Variants in ZDHHC11B observed in about 807,000 individuals in gnomAD.
ZDHHC11B encodes probable palmitoyltransferase ZDHHC11B.
A neutral mutation model predicts 42.3 loss-of-function variants in ZDHHC11B; 17 were observed. That is an observed-to-expected ratio of 0.40 (90% CI 0.27 to 0.60). The LOEUF (loss-of-function observed/expected upper bound fraction) is 0.60, where lower values mean the gene tolerates loss of function less well. Among genes scored for constraint, ZDHHC11B ranks in the 20% least tolerant of loss-of-function variants. The pLI is 0.41. For missense variants in ZDHHC11B, 262 were observed against 463.2 expected (o/e 0.57, Z 3.99); for synonymous variants, 123 against 193.5 (o/e 0.64, Z 3.02).
rs1380788072 is a variant in ZDHHC11B at position 773,077 on chromosome 5, T to C, written c.-229-4147A>G. 4.6e-5 allele frequency among the ~76,000 whole-genome samples: 7 copies of C among 151,940 alleles called. 1 individual carries two copies. Among genetic ancestry groups the C allele is most frequent in the Non-Finnish European group, 1.0e-4 (7 of 67,942 alleles). On this transcript the variant is annotated intron_variant, in intron 1 of 13. Coordinates refer to ENST00000508859, the MANE Select transcript of ZDHHC11B (RefSeq NM_001351303.2). Reference sequence around the variant, plus strand: ...CGGAGAAGATGGGAGATGCACTGTCTGGATCGCTTCATTAGACCCACGTGC... The same window carrying C: ...CGGAGAAGATGGGAGATGCACTGTCCGGATCGCTTCATTAGACCCACGTGC...
At chr5:719,763 TC>T in intron 12 of ZDHHC11B, among the ~76,000 whole-genome samples, 1 of 151,840 alleles carries the variant, frequency 6.6e-6, no homozygotes, top group African/African-American at 2.4e-5. Flanking sequence ...AATACAGTGT[TC>T]CCCCATTATC....
chr5:778,250 G>A (rs1736705402), intron 1 of ZDHHC11B, among the ~76,000 whole-genome samples: 5 of 151,624 alleles, frequency 3.3e-5, no homozygotes, highest in Admixed American at 2.0e-4. Context: ...ATCCCAAAAG[G>A]GAATAGAGAT....
chr5:776,460 G>T (rs1055086585), intron 1 of ZDHHC11B, among the ~76,000 whole-genome samples: 18 of 151,888 alleles, frequency 1.2e-4, no homozygotes, highest in Non-Finnish European at 7.4e-5. Context: ...AGGGAGACCG[G>T]GTAGGCCCCT....
chr5:730,527 C>A lies in ZDHHC11B; in HGVS notation c.1024-59G>T, dbSNP rs1239082512. ...GAACAAAGACCTTGTTGACATTAAA[C>A]TTATTCTTAAACAAAATTCAAGTTC... On this transcript the variant is annotated intron_variant, in intron 11 of 13. Transcript: ENST00000508859. 6.6e-6 allele frequency: 10 copies of A among 1,508,254 alleles called. 1 individual carries two copies. Among genetic ancestry groups the A allele is most frequent in the East Asian group, 2.5e-5 (1 of 40,088 alleles). 93.4% of individuals were successfully genotyped at this position (1,508,254 alleles called of 1,614,324 possible).
At position 711,760 on chromosome 5, in the gene ZDHHC11B, A is replaced by G. The variant is rs4991352; in HGVS notation, c.*530T>C. ...TCCCAGCACTGTGCTCCCATTTCCC[A>G]TTACTGTGCTCCCATTTCCCAGCAC... On this transcript the variant is annotated 3_prime_UTR_variant, in exon 14 of 14. Transcript: ENST00000508859. 0.22 allele frequency: 32,956 copies of G among 147,868 alleles called. 3,346 individuals carry two copies. The highest frequency in any genetic ancestry group is 0.35 in the Middle Eastern group (659 of 1,894). 9.2% of individuals were successfully genotyped at this position (147,868 alleles called of 1,614,324 possible). A position where few individuals can be genotyped will look rare whatever the true frequency, so the allele number is the denominator to read the frequency against.
At chr5:739,327 G>T (rs1377175756) in intron 10 of ZDHHC11B, among the ~76,000 whole-genome samples, 2 of 151,374 alleles carry the variant, frequency 1.3e-5, no homozygotes, top group Non-Finnish European at 2.9e-5. Flanking sequence ...CAACCCAGGA[G>T]GCAGAGGCTT....
intron 12 of ZDHHC11B, among the ~76,000 whole-genome samples, chr5:720,571 A>C (rs1742107310): frequency 6.6e-6 from 1 of 151,950 alleles, no homozygotes; most frequent in South Asian, 2.1e-4. Flanking sequence ...ACAGTAACTC[A>C]AAACCATACA....
chr5:732,372 T>C lies in ZDHHC11B; in HGVS notation c.1023+1380A>G, dbSNP rs188408750. ...GATGCTGCAGAGACACCGAGGGGAC[T>C]CACAAATGCACCTGTGCAGAAGGTG... On this transcript the variant is annotated intron_variant, in intron 11 of 13. Coordinates refer to ENST00000508859, the MANE Select transcript of ZDHHC11B (RefSeq NM_001351303.2). 15 of 251,078 alleles carry C rather than the reference T, an allele frequency of 6.0e-5. No homozygotes were observed. The Admixed American group carries it at 7.1e-4, about 12-fold the overall frequency. The allele number at this position is 251,078 out of a possible 1,614,324, so 15.6% of individuals were successfully genotyped here.
At chr5:729,891 G>A (rs1337014709) in intron 12 of ZDHHC11B, among the ~76,000 whole-genome samples, 4 of 151,474 alleles carry the variant, frequency 2.6e-5, no homozygotes, top group Non-Finnish European at 5.9e-5. Flanking sequence ...GGAAGAATAT[G>A]CATTTGTCAT....
intron 10 of ZDHHC11B, among the ~76,000 whole-genome samples, chr5:739,189 A>G (rs540004926): frequency 1.1e-4 from 16 of 150,882 alleles, no homozygotes; most frequent in Non-Finnish European, 2.2e-4. Flanking sequence ...ACTTGAAGTC[A>G]AGAGTTCAAG....
chr5:733,475 T>C (rs1336189174), intron 11 of ZDHHC11B, among the ~76,000 whole-genome samples: 1 of 151,688 alleles, frequency 6.6e-6, no homozygotes, highest in Non-Finnish European at 1.5e-5. Flanking sequence ...GCCCTGGGCA[T>C]CTGCCCATCA....
At chr5:764,395 A>G (rs390772) in intron 4 of ZDHHC11B, among the ~76,000 whole-genome samples, 126,475 of 151,180 alleles carry the variant, frequency 0.84, 53,161 homozygotes, top group East Asian at 0.97. Context: ...AGGGAGAGGC[A>G]CAGGCGGGAA....
At position 776,479 on chromosome 5, in the gene ZDHHC11B, G is replaced by A. The variant is rs1579461833; in HGVS notation, c.-229-7549C>T. Among the ~76,000 whole-genome samples, 5 of 151,912 alleles carry A rather than the reference G, an allele frequency of 3.3e-5. 1 individual carries two copies. The highest frequency in any genetic ancestry group is 1.2e-4 in the African/African-American group (5 of 41,362). On this transcript the variant is annotated intron_variant, in intron 1 of 13. Coordinates refer to ENST00000508859, the MANE Select transcript of ZDHHC11B (RefSeq NM_001351303.2). ...AGACCGGGTAGGCCCCTGGCCAGCA[G>A]GGCTGAGGGGAAAGTCTCCACTGCA...
chr5:776,647 C>G (rs1736515896), intron 1 of ZDHHC11B, among the ~76,000 whole-genome samples: 1 of 151,920 alleles, frequency 6.6e-6, no homozygotes, highest in Non-Finnish European at 1.5e-5. Flanking sequence ...GCCCCAGAAG[C>G]AAAAGCCACC....
chr5:719,186 C>A (rs531478588), intron 12 of ZDHHC11B, among the ~76,000 whole-genome samples: 26 of 151,746 alleles, frequency 1.7e-4, no homozygotes, highest in Admixed American at 1.1e-3. Flanking sequence ...ATCCACAGTC[C>A]CAGAGGAGGA....
intron 1 of ZDHHC11B, among the ~76,000 whole-genome samples, chr5:777,727 C>G (rs1186231576): frequency 6.6e-6 from 1 of 151,954 alleles, no homozygotes; most frequent in Non-Finnish European, 1.5e-5. Context: ...TAAAAGTTCT[C>G]CAAGCCCCCA....
chr5:731,221 C>A (rs2127003536), intron 11 of ZDHHC11B, among the ~76,000 whole-genome samples: 1 of 150,834 alleles, frequency 6.6e-6, no homozygotes, highest in Non-Finnish European at 1.5e-5. Flanking sequence ...AAACTCTTCA[C>A]CAACACTTGA....
intron 1 of ZDHHC11B, among the ~76,000 whole-genome samples, chr5:771,154 T>C (rs1196520443): frequency 1.9e-4 from 29 of 151,956 alleles, no homozygotes; most frequent in African/African-American, 6.8e-4. Flanking sequence ...CACATGTGCG[T>C]GTCCCAACCC....
chr5:760,380 C>A (rs941562165), intron 4 of ZDHHC11B, among the ~76,000 whole-genome samples: 7 of 151,716 alleles, frequency 4.6e-5, no homozygotes, highest in Non-Finnish European at 1.0e-4. Flanking sequence ...CGGCAGCAGA[C>A]ACACGCAGAG....
Sources: gnomAD v4.1 joint callset for allele counts (sites outside exome capture counted in the v4.1 genomes callset) on GRCh38, gnomAD v4.1.1 for gene constraint, MANE v1.5 for transcripts, NCBI Gene and HGNC (gene_info 2026-07-23, HGNC 2026-07-21) for gene names.